ARHGEF26: variants seen among roughly 807,000 people sequenced by gnomAD.
ARHGEF26 encodes Rho guanine nucleotide exchange factor 26.
Under a neutral mutation model 89.4 loss-of-function variants are expected in ARHGEF26, and 59 were observed. The ratio of observed to expected loss-of-function variants is 0.66; its 90% CI spans 0.54 to 0.82. ARHGEF26 has a LOEUF of 0.82. Ranked by LOEUF, ARHGEF26 falls within the 40% of genes least tolerant of loss-of-function variation. The pLI, the probability that ARHGEF26 is intolerant of heterozygous loss-of-function variation, is 0.00. For missense variants in ARHGEF26, 1,234 were observed against 1,085.6 expected (o/e 1.14, Z -1.92); for synonymous variants, 500 against 428.4 (o/e 1.17, Z -2.06).
At chr3:154,209,583 C>T (rs1322565240) in intron 9 of ARHGEF26, among the ~76,000 whole-genome samples, 2 of 152,196 alleles carry the variant, frequency 1.3e-5, no homozygotes, top group Non-Finnish European at 2.9e-5. Flanking sequence ...TTGTTCTCTT[C>T]CCTTACTGTC....
intron 6 of ARHGEF26, among the ~76,000 whole-genome samples, chr3:154,176,881 C>T (rs1301477531): frequency 1.3e-5 from 2 of 152,112 alleles, no homozygotes; most frequent in African/African-American, 4.8e-5. Context: ...TGGGCTTAAA[C>T]AATCCTCTTG....
At chr3:154,135,309 G>T (rs1718934255) in intron 4 of ARHGEF26, among the ~76,000 whole-genome samples, 1 of 152,038 alleles carries the variant, frequency 6.6e-6, no homozygotes, top group Admixed American at 6.5e-5. Flanking sequence ...TCTTGGGAGG[G>T]TATATGTGTT....
intron 5 of ARHGEF26, 86 bp downstream of exon 5, chr3:154,149,531 C>A: frequency 8.7e-7 from 1 of 1,152,404 alleles, no homozygotes; most frequent in Non-Finnish European, 1.2e-6. Flanking sequence ...ACTGTGTGCA[C>A]TTGTTTAGTG....
intron 9 of ARHGEF26, among the ~76,000 whole-genome samples, chr3:154,217,250 CATT>C (rs1243867748): frequency 4.0e-5 from 6 of 150,522 alleles, no homozygotes; most frequent in African/African-American, 1.5e-4. Context: ...GATGGTATCT[CATT>C]GTGGTTTTGA....
chr3:154,157,097 G>A (rs540659968), intron 6 of ARHGEF26, among the ~76,000 whole-genome samples: 6 of 152,208 alleles, frequency 3.9e-5, no homozygotes, highest in Admixed American at 6.5e-5. Context: ...CAGGGACAAC[G>A]ATCATTCTGA....
At chr3:154,253,048 C>T (rs1469901064) in intron 12 of ARHGEF26, 68 bp from the exon 13 acceptor site, 1 of 1,572,058 alleles carries the variant, frequency 6.4e-7, no homozygotes, top group Non-Finnish European at 8.7e-7. Context: ...GCATTGGCTG[C>T]CTAGAAAACA....
chr3:154,239,084 A>G (rs1717295252), intron 11 of ARHGEF26, among the ~76,000 whole-genome samples: 1 of 152,110 alleles, frequency 6.6e-6, no homozygotes. Context: ...GTTGATGGTA[A>G]TGACAAGGAC....
chr3:154,177,582 C>T (rs1712904203), intron 6 of ARHGEF26, among the ~76,000 whole-genome samples: 1 of 152,188 alleles, frequency 6.6e-6, no homozygotes, highest in Non-Finnish European at 1.5e-5. Context: ...CATTCCACAT[C>T]TCTCAGCCAT....
rs1263696287 is a variant in ARHGEF26, at chr3:154,217,891, G to A, written c.1868G>A (p.Gly623Asp). ...CAGTTGGTTCGACTATGCAATGAGG[G>A]CGCCCGGAAGATGGAAAGGACTGAG... Reference protein sequence around the residue: ...VSKLVRLCNEGARKMERTEMM... With the variant: ...VSKLVRLCNEDARKMERTEMM... The change falls in exon 10 of 15, where the codon GGC becomes GAC. Residue 623 changes from glycine to aspartate, a missense_variant. Gly to Asp is a moderately conservative substitution (Grantham distance 94). Transcript: ENST00000465093. The A allele has an allele frequency of 1.9e-6, 3 of 1,601,890 alleles. No homozygotes were observed. Among genetic ancestry groups the A allele is most frequent in the Non-Finnish European group, 1.7e-6 (2 of 1,173,938 alleles).
chr3:154,122,652 G>T lies in ARHGEF26; in HGVS notation c.660G>T (p.Leu220=), dbSNP rs751986344. The T allele has an allele frequency of 4.3e-6, 7 of 1,613,886 alleles. No individual in the cohort carries two copies. Among genetic ancestry groups the T allele is most frequent in the Non-Finnish European group, 5.9e-6 (7 of 1,179,884 alleles). The change falls in exon 2 of 15, where the codon CTG becomes CTT. Residue 220 remains leucine, a synonymous_variant. Coordinates refer to ENST00000465093, the MANE Select transcript of ARHGEF26 (RefSeq NM_015595.4). ...AACAAAAACTCCCCCTCCAAAGGCTGCCCTCCCAGGAGAACGAGCTCCTCG... is the reference window on the plus strand; with the variant it reads ...AACAAAAACTCCCCCTCCAAAGGCTTCCCTCCCAGGAGAACGAGCTCCTCG... ...SSEQKLPLQR[L]PSQENELLEN...
chr3:154,175,180 A>G (rs1464091333), intron 6 of ARHGEF26, among the ~76,000 whole-genome samples: 11 of 152,230 alleles, frequency 7.2e-5, no homozygotes, highest in Non-Finnish European at 1.6e-4. Flanking sequence ...TAAAGGTTCT[A>G]TAAACCGTAA....
intron 6 of ARHGEF26, among the ~76,000 whole-genome samples, chr3:154,167,280 C>CAA (rs1315946219): frequency 2.0e-5 from 3 of 152,176 alleles, no homozygotes; most frequent in Admixed American, 6.5e-5. Context: ...GTAAGCTTGA[C>CAA]AAGCGAGGTC....
rs781369445 is a variant in ARHGEF26 at position 154,225,903 on chromosome 3, A to T, written c.1983A>T (p.Glu661Asp). The T allele has an allele frequency of 1.2e-5, 19 of 1,610,720 alleles. No homozygotes were observed. The highest frequency in any genetic ancestry group is 1.5e-5 in the Non-Finnish European group (18 of 1,178,426). Residue 661 changes from glutamate (E) to aspartate (D), a missense_variant, in exon 11 of 15, where the codon GAA (glutamate) becomes GAT (aspartate). Coordinates refer to ENST00000465093, the MANE Select transcript of ARHGEF26 (RefSeq NM_015595.4). ...SSSRWLVKRGELTAYVEDTVL... is the reference protein window; with the variant it reads ...SSSRWLVKRGDLTAYVEDTVL... ...CCCGGTGGTTGGTAAAAAGAGGTGA[A>T]TTGACAGCCTATGTTGAAGACACTG...
intron 13 of ARHGEF26, among the ~76,000 whole-genome samples, chr3:154,253,890 G>A (rs192351773): frequency 1.7e-3 from 255 of 152,258 alleles, no homozygotes; most frequent in Non-Finnish European, 3.3e-3. Context: ...AAAGTTCCCG[G>A]AAATCAAGCT....
intron 12 of ARHGEF26, among the ~76,000 whole-genome samples, chr3:154,251,672 G>A (rs112927440): frequency 1.3e-5 from 2 of 152,290 alleles, no homozygotes; most frequent in African/African-American, 4.8e-5. Context: ...CCCACTGGAG[G>A]AAGTGAGCCT....
At chr3:154,255,205 C>T in intron 14 of ARHGEF26, 126 bp from the exon 15 acceptor site, 1 of 994,692 alleles carries the variant, frequency 1.0e-6, no homozygotes, top group South Asian at 1.6e-5. Flanking sequence ...TTCCCTGTCC[C>T]ACTTTCTCTT....
intron 4 of ARHGEF26, among the ~76,000 whole-genome samples, chr3:154,134,570 T>C (rs1393690641): frequency 6.6e-6 from 1 of 152,128 alleles, no homozygotes; most frequent in Non-Finnish European, 1.5e-5. Context: ...GGGAATTCAA[T>C]ATGAGATTTG....
At chr3:154,164,177 C>T (rs16823727) in intron 6 of ARHGEF26, among the ~76,000 whole-genome samples, 22,059 of 151,824 alleles carry the variant, frequency 0.15, 1,915 homozygotes, top group East Asian at 0.36. Flanking sequence ...TACTGAGCAA[C>T]CTCACAGCAA....
Position 154,253,148 on chromosome 3 carries a change from G to A in ARHGEF26, c.2333G>A (p.Gly778Glu). 1 of 1,614,012 alleles carries A rather than the reference G, an allele frequency of 6.2e-7. No individual in the cohort carries two copies. The highest frequency in any genetic ancestry group is 8.5e-7 in the Non-Finnish European group (1 of 1,179,894). The change falls in exon 13 of 15, where the codon GGA becomes GAA. Residue 778 changes from glycine to glutamate, a missense_variant. Transcript: ENST00000465093. ...CGAGCCCGCTGGATAACTGCCCTGG[G>A]ACACAGCAGCGGGAAGCCGCCTGCA... ...SERARWITAL[G>E]HSSGKPPADR...
Sources: allele counts gnomAD v4.1 joint callset (sites outside exome capture counted in the v4.1 genomes callset), GRCh38; gene constraint gnomAD v4.1.1; transcripts MANE v1.5; gene names NCBI Gene and HGNC (gene_info 2026-07-23, HGNC 2026-07-21).